Variants in HERC4 observed in about 807,000 individuals in gnomAD.
HERC4 encodes the protein HECT and RLD domain containing E3 ubiquitin protein ligase 4, also known as probable E3 ubiquitin-protein ligase HERC4.
Under a neutral mutation model 124.3 loss-of-function variants are expected in HERC4, and 28 were observed. The observed-to-expected ratio is 0.23, with a 90% CI of 0.17 to 0.31. The LOEUF (loss-of-function observed/expected upper bound fraction) is 0.31. Among genes scored for constraint, HERC4 ranks in the 10% least tolerant of loss-of-function variants. HERC4 has a pLI of 1.00. For missense variants in HERC4, 713 were observed against 1,229.3 expected (o/e 0.58, Z 6.28); for synonymous variants, 407 against 421.5 (o/e 0.97, Z 0.42).
intron 15 of HERC4, among the ~76,000 whole-genome samples, chr10:67,967,686 G>A (rs1204851103): frequency 7.9e-5 from 12 of 152,032 alleles, no homozygotes; most frequent in Non-Finnish European, 7.4e-5. Context: ...TTATGTTCTT[G>A]GTGATATAGC....
chr10:67,966,383 C>G (rs2034864773), intron 16 of HERC4: 1 of 259,152 alleles, frequency 3.9e-6, no homozygotes, highest in African/African-American at 2.3e-5. Context: ...TAAGAGGCAA[C>G]CTCATGGAAA....
At chr10:67,927,689 T>C (rs2031288597) in intron 23 of HERC4, among the ~76,000 whole-genome samples, 1 of 151,960 alleles carries the variant, frequency 6.6e-6, no homozygotes, top group Admixed American at 6.6e-5. Flanking sequence ...CCTCCCAAAG[T>C]GCTGGGATTA....
chr10:67,981,752 G>A (rs1399128707), intron 15 of HERC4, among the ~76,000 whole-genome samples: 3 of 152,154 alleles, frequency 2.0e-5, no homozygotes, highest in African/African-American at 7.2e-5. Flanking sequence ...GAGGCCAGGA[G>A]TTCAAAACCA....
chr10:68,001,541 G>T (rs2037233004), intron 9 of HERC4, among the ~76,000 whole-genome samples: 1 of 152,038 alleles, frequency 6.6e-6, no homozygotes. Context: ...CTTGAGTACA[G>T]TGCAAAAAGA....
At chr10:68,064,970 CAAA>C (rs773557069) in intron 3 of HERC4, among the ~76,000 whole-genome samples, 42 of 96,268 alleles carry the variant, frequency 4.4e-4, no homozygotes, top group Non-Finnish European at 8.5e-4. Context: ...GGCTCCATCT[CAAA>C]AAAAAAAAAA....
At chr10:67,997,613 A>C (rs1379200590) in intron 9 of HERC4, among the ~76,000 whole-genome samples, 1 of 152,206 alleles carries the variant, frequency 6.6e-6, no homozygotes, top group Non-Finnish European at 1.5e-5. Context: ...TGAGTACCTC[A>C]GAATGTGACT....
intron 16 of HERC4, among the ~76,000 whole-genome samples, chr10:67,958,528 C>G (rs11817849): frequency 6.6e-6 from 1 of 152,120 alleles, no homozygotes; most frequent in Non-Finnish European, 1.5e-5. Flanking sequence ...AAATGCAAAT[C>G]AAAGCAAAAC....
chr10:67,951,368 A>C (rs941925812), intron 19 of HERC4, among the ~76,000 whole-genome samples: 3 of 152,184 alleles, frequency 2.0e-5, no homozygotes, highest in African/African-American at 7.2e-5. Flanking sequence ...ATCATGTCTT[A>C]TATGCCTGTT....
At chr10:68,042,106 T>G (rs2039799723) in intron 4 of HERC4, among the ~76,000 whole-genome samples, 1 of 152,198 alleles carries the variant, frequency 6.6e-6, no homozygotes, top group Non-Finnish European at 1.5e-5. Flanking sequence ...AACCTCCGCC[T>G]CCCAGGTTCA....
intron 4 of HERC4, chr10:68,040,474 T>C: frequency 1.3e-6 from 1 of 762,574 alleles, no homozygotes; most frequent in Non-Finnish European, 1.6e-6. Flanking sequence ...TCTAAAGAGA[T>C]AAATTAGAAA....
chr10:67,955,866 C>T (rs2034110941), intron 17 of HERC4: 3 of 152,168 alleles, frequency 2.0e-5, no homozygotes, highest in African/African-American at 7.2e-5. Flanking sequence ...TATGTGCTCA[C>T]GAACCAAGGA....
intron 3 of HERC4, among the ~76,000 whole-genome samples, chr10:68,062,200 C>T (rs1181367226): frequency 2.0e-5 from 3 of 152,144 alleles, no homozygotes; most frequent in African/African-American, 4.8e-5. Context: ...TTACTGCTCA[C>T]TTAATATTAT....
At chr10:67,960,893 C>G (rs1257144730) in intron 16 of HERC4, 7 of 302,300 alleles carry the variant, frequency 2.3e-5, no homozygotes, top group South Asian at 3.2e-5. Context: ...GACTGGCAAG[C>G]CTTTTCTTTA....
chr10:68,057,866 A>AT (rs2040632634), intron 3 of HERC4, among the ~76,000 whole-genome samples: 1 of 151,700 alleles, frequency 6.6e-6, no homozygotes, highest in South Asian at 2.1e-4. Flanking sequence ...CACCCAGCTA[A>AT]TTTTTTCTAT....
In HERC4 at chr10:68,034,003, C is replaced by T. The variant is rs1164946098; in HGVS notation, c.647G>A (p.Arg216His). Residue 216 changes from arginine (R) to histidine (H), a missense_variant, in exon 6 of 25, where the codon CGC becomes CAC. By Grantham distance (29) the Arg-to-His change is conservative (BLOSUM62 0). Coordinates refer to ENST00000373700, the MANE Select transcript of HERC4 (RefSeq NM_015601.4). Reference protein sequence around the residue: ...TLSGAIFGWGRNKFGQLGLND... With the variant: ...TLSGAIFGWGHNKFGQLGLND... The stretch of plus-strand genomic sequence containing the variant: ...AAGACCTAGCTGACCAAACTTGTTG[C>T]GTCCCCATCCAAAGATAGCTCCAGA... 1.9e-6 allele frequency: 3 copies of T among 1,614,052 alleles called. No individual in the cohort carries two copies. The highest frequency in any genetic ancestry group is 2.2e-5 in the East Asian group (1 of 44,856).
intron 8 of HERC4, among the ~76,000 whole-genome samples, chr10:68,017,405 T>C (rs2038331982): frequency 1.3e-5 from 2 of 152,214 alleles, no homozygotes; most frequent in Non-Finnish European, 1.5e-5. Flanking sequence ...CAAATAAACA[T>C]TTACTATTAT....
At chr10:68,010,795 A>G (rs1405160758) in intron 9 of HERC4, 2 of 1,516,648 alleles carry the variant, frequency 1.3e-6, no homozygotes, top group African/African-American at 1.4e-5. Flanking sequence ...CAGCCTGTGC[A>G]TATCCCAGGG....
intron 8 of HERC4, among the ~76,000 whole-genome samples, chr10:68,019,619 C>T (rs1402936707): frequency 6.6e-6 from 1 of 152,086 alleles, no homozygotes; most frequent in Non-Finnish European, 1.5e-5. Context: ...AACCATTCTG[C>T]AACTCTGGAG....
At chr10:67,973,328 C>A (rs1489003551) in intron 15 of HERC4, among the ~76,000 whole-genome samples, 2 of 152,158 alleles carry the variant, frequency 1.3e-5, no homozygotes. Flanking sequence ...TGGAGCAAAA[C>A]TGGATTCAAC....
Sources: allele counts gnomAD v4.1 joint callset (sites outside exome capture counted in the v4.1 genomes callset), GRCh38; gene constraint gnomAD v4.1.1; transcripts MANE v1.5; gene names NCBI Gene and HGNC (gene_info 2026-07-23, HGNC 2026-07-21).